The following SCN10A variants were observed in gnomAD, a reference collection of about 807,000 sequenced individuals.
The protein encoded by SCN10A is sodium voltage-gated channel alpha subunit 10, also known as sodium channel protein type 10 subunit alpha.
In SCN10A, 162 loss-of-function variants were observed where a neutral mutation model predicts 170.7. The observed-to-expected ratio is 0.95, with a 90% CI of 0.84 to 1.08. The LOEUF (loss-of-function observed/expected upper bound fraction) is 1.08, where lower values mean the gene tolerates loss of function less well. Among genes scored for constraint, SCN10A ranks in the 50% least tolerant of loss-of-function variants. The probability of loss-of-function intolerance (pLI) is 0.00; values close to 1 mark genes in which losing one functional copy is unlikely to be tolerated. For missense variants in SCN10A, 2,527 were observed against 2,436.9 expected (o/e 1.04, Z -0.78); for synonymous variants, 985 against 904.6 (o/e 1.09, Z -1.59).
chr3:38,809,316 G>A (rs2064424895), intron 1 of SCN10A, among the ~76,000 whole-genome samples: 1 of 152,168 alleles, frequency 6.6e-6, no homozygotes, highest in Admixed American at 6.5e-5. Context: ...TAGAAAATGA[G>A]AAACAACAGA....
chr3:38,721,156 C>G (rs990598499), intron 20 of SCN10A, among the ~76,000 whole-genome samples: 1 of 152,198 alleles, frequency 6.6e-6, no homozygotes, highest in Non-Finnish European at 1.5e-5. Flanking sequence ...GGCCATGCAC[C>G]GAGCAGTTTT....
In SCN10A at chr3:38,756,674, C is replaced by A; in HGVS notation, c.1290G>T (p.Glu430Asp). ...CACAAAGCTTCCACTCCTCACAAAC[C>A]TCCTGCTCCTTCCGGAGCATCTCGA... ...EALEMLRKEQEVLAALGIDTT... is the reference protein window; with the variant it reads ...EALEMLRKEQDVLAALGIDTT... Residue 430 changes from glutamate to aspartate, a missense_variant and splice_region_variant, in exon 10 of 28, where the codon GAG (glutamate) becomes GAT (aspartate). Glu to Asp is a conservative substitution (Grantham distance 45). Coordinates refer to ENST00000449082, the MANE Select transcript of SCN10A (RefSeq NM_006514.4). The A allele has an allele frequency of 6.2e-7, 1 of 1,612,582 alleles. No homozygotes were observed.
chr3:38,807,810 T>G (rs558655135), intron 1 of SCN10A, among the ~76,000 whole-genome samples: 25 of 152,270 alleles, frequency 1.6e-4, no homozygotes, highest in Admixed American at 1.6e-3. Context: ...AGCACGCAGT[T>G]GCTCACATCA....
At chr3:38,791,988 A>G (rs1016181031) in intron 3 of SCN10A, 62 bp downstream of exon 3, 2 of 1,591,698 alleles carry the variant, frequency 1.3e-6, no homozygotes, top group Admixed American at 1.7e-5. Flanking sequence ...TAAAGAAGGT[A>G]CTGGACACAG....
intron 1 of SCN10A, among the ~76,000 whole-genome samples, chr3:38,814,289 C>T (rs2064458079): frequency 1.3e-5 from 2 of 152,126 alleles, no homozygotes; most frequent in Admixed American, 1.3e-4. Context: ...GTGTTTCACT[C>T]ATGGGCTCAG....
At chr3:38,789,370 TAACA>T (rs2064250210) in intron 3 of SCN10A, among the ~76,000 whole-genome samples, 2 of 152,146 alleles carry the variant, frequency 1.3e-5, no homozygotes, top group South Asian at 4.1e-4. Context: ...ATCTGTTTGA[TAACA>T]AACTCTGAGC....
intron 10 of SCN10A, among the ~76,000 whole-genome samples, chr3:38,756,287 A>G (rs1355390131): frequency 6.7e-6 from 1 of 150,202 alleles, no homozygotes; most frequent in East Asian, 2.0e-4. Flanking sequence ...CTTCTGGGAT[A>G]GGTATGGGGA....
At chr3:38,720,709 G>A (rs886468930) in intron 20 of SCN10A, among the ~76,000 whole-genome samples, 1 of 152,102 alleles carries the variant, frequency 6.6e-6, no homozygotes, top group East Asian at 1.9e-4. Context: ...GGTGGACCGG[G>A]GTGTGAAGAG....
At chr3:38,756,273 C>T (rs2063803670) in intron 10 of SCN10A, among the ~76,000 whole-genome samples, 1 of 151,848 alleles carries the variant, frequency 6.6e-6, no homozygotes, top group South Asian at 2.1e-4. Context: ...CTTTTGGCTG[C>T]CTGCTTCTGG....
At chr3:38,812,543 T>G (rs1469406713) in intron 1 of SCN10A, among the ~76,000 whole-genome samples, 4 of 152,130 alleles carry the variant, frequency 2.6e-5, no homozygotes, top group Non-Finnish European at 5.9e-5. Flanking sequence ...CAAACACCTG[T>G]GTAACTACCC....
At chr3:38,786,238 T>C (rs1209052495) in intron 4 of SCN10A, among the ~76,000 whole-genome samples, 1 of 151,968 alleles carries the variant, frequency 6.6e-6, no homozygotes, top group East Asian at 1.9e-4. Flanking sequence ...CAAACGCCCA[T>C]CAGTGATAGA....
rs151291523 is a variant in SCN10A, at chr3:38,793,199, G to A, written c.270+542C>T. ...GTGATGACATCATCCCCCATCAATA[G>A]CCTCTATATTCACCAATGTATGATC... On this transcript the variant is annotated intron_variant, in intron 2 of 27. Coordinates refer to ENST00000449082, the MANE Select transcript of SCN10A (RefSeq NM_006514.4). Among the ~76,000 whole-genome samples the A allele has an allele frequency of 3.3e-3, 495 of 152,160 alleles. 4 individuals carry two copies. Among genetic ancestry groups the A allele is most frequent in the African/African-American group, 8.9e-3 (370 of 41,500 alleles).
intron 1 of SCN10A, among the ~76,000 whole-genome samples, chr3:38,806,553 G>A (rs542821030): frequency 1.0e-3 from 159 of 152,230 alleles, no homozygotes; most frequent in Middle Eastern, 6.8e-3. Context: ...TGCTATCTGG[G>A]TCTTTTGAAT....
At chr3:38,737,686 A>G (rs1477737579) in intron 15 of SCN10A, among the ~76,000 whole-genome samples, 2 of 151,954 alleles carry the variant, frequency 1.3e-5, no homozygotes, top group African/African-American at 4.8e-5. Flanking sequence ...ACTTTTTTGG[A>G]AAATTAGTAA....
Position 38,742,370 on chromosome 3 carries a change from A to G in SCN10A, c.2027T>C (p.Val676Ala). ...CATGGCCATGAAGATGGTGTTCACC[A>G]CGATGCACAAGGTGATGGTGAGCTC... is the stretch of plus-strand genomic sequence containing the variant. ...FAELTITLCI[V>A]VNTIFMAMEH... The change falls in exon 14 of 28, where the codon GTG (valine) becomes GCG (alanine). Residue 676 changes from valine to alanine, a missense_variant. Physicochemically the swap from Val to Ala is moderately conservative, Grantham distance 64. Coordinates refer to ENST00000449082, the MANE Select transcript of SCN10A (RefSeq NM_006514.4). 6.2e-7 allele frequency: 1 copy of G among 1,614,166 alleles called. No homozygotes were observed.
At chr3:38,706,421 C>T (rs184946896) in intron 26 of SCN10A, among the ~76,000 whole-genome samples, 252 of 152,306 alleles carry the variant, frequency 1.7e-3, no homozygotes, top group Non-Finnish European at 2.1e-3. Context: ...AATGCTGCAT[C>T]TTAGCCACAG....
intron 1 of SCN10A, among the ~76,000 whole-genome samples, chr3:38,800,119 T>C (rs1050200293): frequency 6.6e-6 from 1 of 152,128 alleles, no homozygotes; most frequent in Non-Finnish European, 1.5e-5. Context: ...TCTATGTGGA[T>C]TTTTTTCTGC....
At position 38,724,798 on chromosome 3, in the gene SCN10A, C is replaced by G. The variant is rs559606541; in HGVS notation, c.3228+376G>C. On this transcript the variant is annotated intron_variant, in intron 18 of 27. Coordinates refer to ENST00000449082, the MANE Select transcript of SCN10A (RefSeq NM_006514.4). ...AGGCAGGACCTAAACATTTGACAAG[C>G]AGCATCTCATTTAAGCTTCAAAATA... Among the ~76,000 whole-genome samples, 3 of 152,326 alleles carry G rather than the reference C, an allele frequency of 2.0e-5. No individual in the cohort carries two copies. In the South Asian group the frequency reaches 6.2e-4, roughly 32 times the overall value.
intron 13 of SCN10A, among the ~76,000 whole-genome samples, chr3:38,744,600 A>G (rs1213124146): frequency 6.6e-6 from 1 of 152,012 alleles, no homozygotes; most frequent in Non-Finnish European, 1.5e-5. Flanking sequence ...TTTTCTCACT[A>G]CAAGGCTTGG....
Sources: gnomAD v4.1 joint callset for allele counts (sites outside exome capture counted in the v4.1 genomes callset) on GRCh38, gnomAD v4.1.1 for gene constraint, MANE v1.5 for transcripts, NCBI Gene and HGNC (gene_info 2026-07-23, HGNC 2026-07-21) for gene names.